Variants in CDC42BPA observed in about 807,000 individuals in gnomAD.
CDC42BPA encodes the protein CDC42 binding protein kinase alpha.
A neutral mutation model predicts 223.5 loss-of-function variants in CDC42BPA; 80 were observed. That is an observed-to-expected ratio of 0.36 (90% CI 0.30 to 0.43). The LOEUF (loss-of-function observed/expected upper bound fraction) is 0.43, where lower values mean the gene tolerates loss of function less well. Among genes scored for constraint, CDC42BPA ranks in the 20% least tolerant of loss-of-function variants. The pLI is 1.00. For synonymous variants in CDC42BPA, 694 were observed against 718.6 expected (o/e 0.97, Z 0.55); for missense variants, 1,743 against 2,099.9 (o/e 0.83, Z 3.32).
At chr1:227,248,385 T>G (rs1681372540) in intron 2 of CDC42BPA, among the ~76,000 whole-genome samples, 1 of 149,642 alleles carries the variant, frequency 6.7e-6, no homozygotes. Context: ...ACAAAAAAAC[T>G]TATTCAAACT....
chr1:227,161,752 G>C (rs1224709158), intron 5 of CDC42BPA, among the ~76,000 whole-genome samples: 2 of 152,204 alleles, frequency 1.3e-5, no homozygotes, highest in African/African-American at 4.8e-5. Flanking sequence ...CAAAGGCAAA[G>C]TGAGTAGCTG....
At chr1:227,175,438 T>C (rs1166744230) in intron 5 of CDC42BPA, among the ~76,000 whole-genome samples, 1 of 151,598 alleles carries the variant, frequency 6.6e-6, no homozygotes, top group African/African-American at 2.4e-5. Flanking sequence ...AATTTAAATA[T>C]ATATATATAT....
intron 32 of CDC42BPA, among the ~76,000 whole-genome samples, chr1:227,020,972 G>A (rs1186147087): frequency 2.6e-5 from 4 of 152,120 alleles, no homozygotes; most frequent in African/African-American, 9.7e-5. Flanking sequence ...AGAATAGAGA[G>A]GCCCAATGAG....
chr1:227,005,634 G>A (rs1188807149), intron 34 of CDC42BPA, among the ~76,000 whole-genome samples: 4 of 152,184 alleles, frequency 2.6e-5, no homozygotes, highest in Non-Finnish European at 4.4e-5. Context: ...TAGTAGTACT[G>A]GGATTAGAAA....
Position 227,081,012 on chromosome 1 carries a change from A to C in CDC42BPA, c.2361T>G (p.Thr787=). ...GTATACTTAAGTTCTCATACAAAGT[A>C]GTAAGCTGAAAGATAGTTTTAAGAC... ...KKLTSELDKL[T]TLYENLSIHN... Residue 787 remains threonine (T), a synonymous_variant, in exon 17 of 37, where the codon ACT becomes ACG. Transcript: ENST00000366766. 1.9e-6 allele frequency: 3 copies of C among 1,613,408 alleles called. No homozygotes were observed. The highest frequency in any genetic ancestry group is 2.5e-6 in the Non-Finnish European group (3 of 1,179,664).
rs1251794090 is a variant in CDC42BPA at position 227,180,164 on chromosome 1, C to A, written c.599+13622G>T. On this transcript the variant is annotated intron_variant, in intron 5 of 36. Transcript: ENST00000366766. ...GATGTTGCAGTGAACCAAGATCATG[C>A]CACTGCACTCCAGCCTGGGTGACAG... Among the ~76,000 whole-genome samples, 3 of 152,266 alleles carry A rather than the reference C, an allele frequency of 2.0e-5. No homozygotes were observed. The East Asian group carries it at 5.8e-4, about 29-fold the overall frequency.
chr1:227,029,374 A>G, intron 29 of CDC42BPA, 124 bp from the exon 30 acceptor site: 1 of 649,930 alleles, frequency 1.5e-6, no homozygotes, highest in South Asian at 2.2e-5. Context: ...ATCAGAAGTC[A>G]CAGGAAAAAA....
At chr1:227,205,448 T>G (rs995385926) in intron 3 of CDC42BPA, among the ~76,000 whole-genome samples, 2 of 151,862 alleles carry the variant, frequency 1.3e-5, no homozygotes, top group African/African-American at 4.8e-5. Flanking sequence ...CCTTGTAATA[T>G]GATTTCATTA....
intron 1 of CDC42BPA, among the ~76,000 whole-genome samples, chr1:227,304,851 G>A (rs777134680): frequency 3.3e-5 from 5 of 152,148 alleles, no homozygotes; most frequent in Non-Finnish European, 5.9e-5. Context: ...CTTGACTATG[G>A]TAGTGGTCAC....
rs149083017 is a variant in CDC42BPA at position 227,282,237 on chromosome 1, T to C, written c.179-28082A>G. On this transcript the variant is annotated intron_variant, in intron 1 of 36. Transcript: ENST00000366766. ...AAGAAAAATTTTAAGTGAATTAGAG[T>C]AAACATTACCTAGAATGGCAGAATT... Among the ~76,000 whole-genome samples the C allele has an allele frequency of 6.1e-3, 891 of 145,172 alleles. 10 individuals carry two copies. The highest frequency in any genetic ancestry group is 0.021 in the African/African-American group (839 of 39,468).
At chr1:227,256,018 A>G (rs768377085) in intron 1 of CDC42BPA, among the ~76,000 whole-genome samples, 3 of 152,208 alleles carry the variant, frequency 2.0e-5, no homozygotes, top group Non-Finnish European at 4.4e-5. Flanking sequence ...CAAATCATGT[A>G]TCTACTAAGG....
chr1:227,000,480 C>T, intron 35 of CDC42BPA, among the ~76,000 whole-genome samples: 1 of 152,202 alleles, frequency 6.6e-6, no homozygotes, highest in East Asian at 1.9e-4. Context: ...TTCCACTGCT[C>T]TGCTTACTAA....
intron 23 of CDC42BPA, among the ~76,000 whole-genome samples, chr1:227,045,207 G>C (rs893866725): frequency 1.3e-5 from 2 of 152,102 alleles, no homozygotes; most frequent in African/African-American, 4.8e-5. Context: ...TTGAGATCTG[G>C]AATTTCTCAA....
intron 25 of CDC42BPA, among the ~76,000 whole-genome samples, 197 bp from the exon 26 acceptor site, chr1:227,034,991 C>G (rs1203635109): frequency 6.6e-6 from 1 of 152,192 alleles, no homozygotes; most frequent in Admixed American, 6.5e-5. Context: ...TCTTCAAATA[C>G]AGAATGACTT....
chr1:227,029,790 A>G lies in CDC42BPA; in HGVS notation c.3839-540T>C, dbSNP rs545282706. ...CTGTTGCCTCTTCTGGTACTAATAG[A>G]ACAATGTGAAAATCAAGTTGTATAT... On this transcript the variant is annotated intron_variant, in intron 29 of 36. Coordinates refer to ENST00000366766, the MANE Select transcript of CDC42BPA (RefSeq NM_001394014.1). Among the ~76,000 whole-genome samples the G allele has an allele frequency of 8.5e-5, 13 of 152,304 alleles. No individual in the cohort carries two copies. The East Asian group carries it at 2.5e-3, about 29-fold the overall frequency.
intron 12 of CDC42BPA, among the ~76,000 whole-genome samples, chr1:227,113,183 A>G (rs1687201967): frequency 6.6e-6 from 1 of 152,272 alleles, no homozygotes; most frequent in African/African-American, 2.4e-5. Flanking sequence ...GTTTAGGAAT[A>G]AACGATATGA....
intron 1 of CDC42BPA, among the ~76,000 whole-genome samples, chr1:227,305,127 G>A (rs1559001310): frequency 6.6e-6 from 1 of 152,156 alleles, no homozygotes; most frequent in Non-Finnish European, 1.5e-5. Context: ...GAAGAATGCA[G>A]AAAATATATG....
At chr1:227,211,355 C>T (rs760365276) in intron 3 of CDC42BPA, among the ~76,000 whole-genome samples, 2 of 151,948 alleles carry the variant, frequency 1.3e-5, no homozygotes, top group Non-Finnish European at 2.9e-5. Flanking sequence ...AACAGTACGT[C>T]GATTTCTCAG....
In CDC42BPA at chr1:227,199,650, T is replaced by A; in HGVS notation, c.357A>T (p.Thr119=). The change falls in exon 4 of 37, where the codon ACA becomes ACT. Residue 119 remains threonine, a splice_region_variant and synonymous_variant. Coordinates refer to ENST00000366766, the MANE Select transcript of CDC42BPA (RefSeq NM_001394014.1). The stretch of plus-strand genomic sequence containing the variant: ...CATCCCTTTCTTCACGAAAACATGC[T>A]GTCTGAAACACAAAAAGAAAATTTT... ...NKWEMLKRAE[T]ACFREERDVL... The A allele has an allele frequency of 5.7e-6, 9 of 1,587,118 alleles. No homozygotes were observed. Among genetic ancestry groups the A allele is most frequent in the Non-Finnish European group, 6.0e-6 (7 of 1,159,636 alleles).
Sources: allele counts gnomAD v4.1 joint callset (sites outside exome capture counted in the v4.1 genomes callset), GRCh38; gene constraint gnomAD v4.1.1; transcripts MANE v1.5; gene names NCBI Gene and HGNC (gene_info 2026-07-23, HGNC 2026-07-21).